Variants in SLC17A1 observed in about 807,000 individuals in gnomAD.
SLC17A1 encodes sodium-dependent phosphate transport protein 1.
SLC17A1 carries 51 observed loss-of-function variants against 53.5 expected under a neutral mutation model. That is an observed-to-expected ratio of 0.95 (90% CI 0.76 to 1.20). The LOEUF (loss-of-function observed/expected upper bound fraction) is 1.20, where lower values mean the gene tolerates loss of function less well. Among genes scored for constraint, SLC17A1 ranks in the 50% most tolerant of loss-of-function variants. SLC17A1 has a pLI of 0.00. For synonymous variants in SLC17A1, 179 were observed against 198.8 expected (o/e 0.90, Z 0.84); for missense variants, 538 against 568.2 (o/e 0.95, Z 0.54).
chr6:25,741,262 T>C, the SLC17A1 span, among the ~76,000 whole-genome samples: 84 of 152,206 alleles, frequency 5.5e-4, no homozygotes, highest in Non-Finnish European at 9.6e-4. Flanking sequence ...TATCAAAATA[T>C]CACATTGTTA....
chr6:25,821,476 A>AGGTTT (rs1764559564), intron 3 of SLC17A1, among the ~76,000 whole-genome samples: 1 of 152,342 alleles, frequency 6.6e-6, no homozygotes, highest in South Asian at 2.1e-4. Context: ...ATGCTCAGCC[A>AGGTTT]GGTTTTGTTT....
chr6:25,770,532 G>C, the SLC17A1 span: 54,771 of 1,485,204 alleles, frequency 0.037, 2,314 homozygotes, highest in African/African-American at 0.2. Flanking sequence ...GCAAAGTCCT[G>C]CCAACAGAAC....
the SLC17A1 span, among the ~76,000 whole-genome samples, chr6:25,763,694 A>G: frequency 6.6e-6 from 1 of 152,208 alleles, no homozygotes; most frequent in Non-Finnish European, 1.5e-5. Flanking sequence ...TATGCAAAGT[A>G]ACTGTTCCAA....
Position 25,817,612 on chromosome 6 carries a change from T to C in SLC17A1, c.616+1456A>G, listed in dbSNP as rs1764403863. Among the ~76,000 whole-genome samples, 4 of 152,212 alleles carry C rather than the reference T, an allele frequency of 2.6e-5. No homozygotes were observed. The South Asian group carries it at 8.3e-4, about 31-fold the overall frequency. On this transcript the variant is annotated intron_variant, in intron 6 of 12. Coordinates refer to ENST00000244527, the MANE Select transcript of SLC17A1 (RefSeq NM_005074.5). Reference sequence around the variant, plus strand: ...TACATTGCTGTACATGATCTTATCATAGAAATACAACATAAATATTAGATG... The same window carrying C: ...TACATTGCTGTACATGATCTTATCACAGAAATACAACATAAATATTAGATG...
At chr6:25,724,285 G>A in the SLC17A1 span, among the ~76,000 whole-genome samples, 2 of 152,244 alleles carry the variant, frequency 1.3e-5, no homozygotes, top group East Asian at 1.9e-4. Flanking sequence ...TTAGCTGGGC[G>A]TGGGGCAGGC....
chr6:25,762,548 C>T, the SLC17A1 span, among the ~76,000 whole-genome samples: 192 of 152,218 alleles, frequency 1.3e-3, 3 homozygotes, highest in East Asian at 0.029. Context: ...TCTTATTTTA[C>T]CCTAAATGCT....
At chr6:25,824,487 G>A (rs1764671508) in intron 3 of SLC17A1, among the ~76,000 whole-genome samples, 1 of 151,746 alleles carries the variant, frequency 6.6e-6, no homozygotes, top group African/African-American at 2.4e-5. Context: ...ACTTTTTGTT[G>A]AAGGAATGTT....
At chr6:25,826,362 T>G in intron 3 of SLC17A1, 99 bp downstream of exon 3, 1 of 968,854 alleles carries the variant, frequency 1.0e-6, no homozygotes. Flanking sequence ...AGCTTCTTTT[T>G]CAAATATAGT....
At chr6:25,821,447 A>G (rs1405775914) in intron 3 of SLC17A1, among the ~76,000 whole-genome samples, 2 of 152,222 alleles carry the variant, frequency 1.3e-5, no homozygotes, top group East Asian at 3.9e-4. Context: ...GAAGGAGGCT[A>G]CACAGAAGAT....
the SLC17A1 span, chr6:25,731,890 A>G: frequency 6.2e-7 from 1 of 1,602,966 alleles, no homozygotes; most frequent in African/African-American, 1.3e-5. Context: ...ATCTCCCTGG[A>G]GGTGATGGTC....
At chr6:25,728,739 G>A in the SLC17A1 span, among the ~76,000 whole-genome samples, 2 of 152,160 alleles carry the variant, frequency 1.3e-5, no homozygotes, top group African/African-American at 2.4e-5. Context: ...CCTTGAACCC[G>A]GGAGGCGGAG....
At chr6:25,773,600 T>C in the SLC17A1 span, 3 of 1,613,986 alleles carry the variant, frequency 1.9e-6, no homozygotes, top group Non-Finnish European at 2.5e-6. Flanking sequence ...TTTCTGTGAA[T>C]ACTGGCTTTT....
At chr6:25,739,930 T>C in the SLC17A1 span, among the ~76,000 whole-genome samples, 1 of 152,178 alleles carries the variant, frequency 6.6e-6, no homozygotes, top group African/African-American at 2.4e-5. Flanking sequence ...TATTCACACA[T>C]TGTACCAATG....
intron 11 of SLC17A1, among the ~76,000 whole-genome samples, chr6:25,799,639 T>G (rs907727442): frequency 3.9e-5 from 6 of 152,314 alleles, no homozygotes; most frequent in Non-Finnish European, 7.4e-5. Context: ...TCTCTCCTTT[T>G]AAAGCTGAGG....
At chr6:25,816,894 C>T (rs1764377795) in intron 6 of SLC17A1, among the ~76,000 whole-genome samples, 1 of 139,908 alleles carries the variant, frequency 7.1e-6, no homozygotes, top group East Asian at 2.2e-4. Flanking sequence ...GTTGCCTAGG[C>T]TGGAGTGCAA....
At chr6:25,765,549 AT>A in the SLC17A1 span, among the ~76,000 whole-genome samples, 1 of 152,252 alleles carries the variant, frequency 6.6e-6, no homozygotes, top group Non-Finnish European at 1.5e-5. Context: ...GTTCTCAATA[AT>A]GACAATAACA....
At chr6:25,770,986 G>C in the SLC17A1 span, 3 of 1,613,702 alleles carry the variant, frequency 1.9e-6, no homozygotes, top group Non-Finnish European at 2.5e-6. Flanking sequence ...CAGACCATAG[G>C]ATGGCCTTAC....
intron 10 of SLC17A1, among the ~76,000 whole-genome samples, chr6:25,804,557 T>C (rs1214432767): frequency 6.6e-6 from 1 of 151,996 alleles, no homozygotes; most frequent in African/African-American, 2.4e-5. Context: ...AAGTGAATGG[T>C]CTAAATGCTC....
intron 12 of SLC17A1, among the ~76,000 whole-genome samples, chr6:25,796,467 G>A (rs1218652613): frequency 6.6e-6 from 1 of 151,984 alleles, no homozygotes; most frequent in Admixed American, 6.6e-5. Flanking sequence ...TTAGCTGGGT[G>A]TAGTGTTGCA....
Sources: gnomAD v4.1 joint callset for allele counts (sites outside exome capture counted in the v4.1 genomes callset) on GRCh38, gnomAD v4.1.1 for gene constraint, MANE v1.5 for transcripts, NCBI Gene and HGNC (gene_info 2026-07-23, HGNC 2026-07-21) for gene names.